Variants in NUP210 observed in about 807,000 individuals in gnomAD.
NUP210 encodes the protein nucleoporin 210, also known as nuclear pore membrane glycoprotein 210.
Under a neutral mutation model 196.0 loss-of-function variants are expected in NUP210, and 151 were observed. That is an observed-to-expected ratio of 0.77 (90% CI 0.67 to 0.88). The LOEUF is 0.88. Ranked by LOEUF, NUP210 falls within the 40% of genes least tolerant of loss-of-function variation. The pLI is 0.00. For synonymous variants in NUP210, 1,070 were observed against 1,052.7 expected (o/e 1.02, Z -0.32); for missense variants, 2,314 against 2,493.7 (o/e 0.93, Z 1.53).
At chr3:13,388,604 G>A (rs1457006913) in intron 4 of NUP210, 151 bp from the exon 5 acceptor site, 1 of 717,136 alleles carries the variant, frequency 1.4e-6, no homozygotes, top group East Asian at 3.2e-5. Flanking sequence ...GCTGCCTAGA[G>A]ACACGGCCCT....
intron 3 of NUP210, among the ~76,000 whole-genome samples, chr3:13,396,608 A>G (rs963493613): frequency 6.6e-6 from 1 of 151,486 alleles, no homozygotes; most frequent in African/African-American, 2.4e-5. Context: ...AAAAAAAAAA[A>G]AATTAGCTGG....
rs1335849619 is a variant in NUP210 at position 13,379,530 on chromosome 3, G to A, written c.976+33C>T. ...GACTTCCAAACAGCAGCTCCGCCAT[G>A]CCTAAGAACACACAAGCCCAAGAAA... On this transcript the variant is annotated intron_variant, in intron 7 of 39. Transcript: ENST00000254508. This position sits in a 1 kb window ranked among gnomAD's most constrained non-coding sequence, Gnocchi z 4.2. 1.9e-6 allele frequency: 3 copies of A among 1,613,564 alleles called. No homozygotes were observed. The South Asian group carries it at 3.3e-5, about 18-fold the overall frequency.
rs531218943 is a variant in NUP210 at position 13,328,659 on chromosome 3, A to G, written c.4286+112T>C. 5.8e-6 allele frequency: 6 copies of G among 1,034,618 alleles called. No homozygotes were observed. The African/African-American group carries it at 7.9e-5, about 14-fold the overall frequency. 64.1% of individuals were successfully genotyped at this position (1,034,618 alleles called of 1,614,324 possible). On this transcript the variant is annotated intron_variant, in intron 31 of 39. Coordinates refer to ENST00000254508, the MANE Select transcript of NUP210 (RefSeq NM_024923.4). ...CATGCCCACATCTCTTGGAAACTGA[A>G]GTAATACACATCTTCCTTCAACAGC...
intron 6 of NUP210, among the ~76,000 whole-genome samples, chr3:13,384,458 A>G (rs1218205619): frequency 6.6e-6 from 1 of 152,246 alleles, no homozygotes; most frequent in Non-Finnish European, 1.5e-5. Flanking sequence ...CTGTTGGGTT[A>G]TATCCAGGTA....
intron 26 of NUP210, 32 bp from the exon 27 acceptor site, chr3:13,336,950 T>C (rs770164841): frequency 1.9e-6 from 3 of 1,610,736 alleles, no homozygotes; most frequent in South Asian, 1.1e-5. Context: ...CAGTGAGCAG[T>C]AGCTCCCAGC....
chr3:13,320,282 TATGA>T (rs1227145989), intron 36 of NUP210, among the ~76,000 whole-genome samples: 2 of 152,172 alleles, frequency 1.3e-5, no homozygotes, highest in Non-Finnish European at 2.9e-5. Context: ...GACAAATCAA[TATGA>T]ATGTCAGAAT....
intron 14 of NUP210, among the ~76,000 whole-genome samples, chr3:13,365,435 C>G (rs1047615741): frequency 2.0e-5 from 3 of 152,296 alleles, no homozygotes; most frequent in Non-Finnish European, 4.4e-5. Context: ...CCGCACAGGC[C>G]GTGGCCACCA....
intron 9 of NUP210, among the ~76,000 whole-genome samples, chr3:13,376,910 C>G (rs1479928730): frequency 2.0e-5 from 3 of 152,060 alleles, no homozygotes; most frequent in African/African-American, 7.2e-5. Flanking sequence ...GGGGTGCTCA[C>G]TGACGAGCCT....
intron 5 of NUP210, among the ~76,000 whole-genome samples, chr3:13,387,732 G>C (rs1356936692): frequency 6.6e-6 from 1 of 152,204 alleles, no homozygotes; most frequent in Non-Finnish European, 1.5e-5. Context: ...GAAGGAACCA[G>C]GACGTTGGAT....
intron 1 of NUP210, among the ~76,000 whole-genome samples, chr3:13,410,762 C>CA (rs200133735): frequency 0.22 from 33,516 of 149,748 alleles, 5,895 homozygotes; most frequent in African/African-American, 0.49. Flanking sequence ...TTAAAAAATA[C>CA]AAAAAATTAG....
At chr3:13,410,986 C>T (rs908759196) in intron 1 of NUP210, among the ~76,000 whole-genome samples, 23 of 150,508 alleles carry the variant, frequency 1.5e-4, no homozygotes, top group Admixed American at 1.3e-3. Context: ...CTTTGGGAGG[C>T]CAAGGTAGGA....
Position 13,396,073 on chromosome 3 carries a change from G to A in NUP210, c.436+1284C>T, listed in dbSNP as rs138877075. On this transcript the variant is annotated intron_variant, in intron 3 of 39. Transcript: ENST00000254508. The stretch of plus-strand genomic sequence containing the variant: ...CTCATCTGATGAATGGGTAAGCGGG[G>A]AAGAAAGGGTCTGCTAGTGCTCTAA... 2.9e-3 allele frequency among the ~76,000 whole-genome samples: 444 copies of A among 152,342 alleles called. 3 individuals are homozygous for A. Among genetic ancestry groups the A allele is most frequent in the African/African-American group, 0.01 (418 of 41,572 alleles).
chr3:13,411,193 C>G (rs1159366663), intron 1 of NUP210, among the ~76,000 whole-genome samples: 1 of 152,212 alleles, frequency 6.6e-6, no homozygotes, highest in Non-Finnish European at 1.5e-5. Context: ...AATTGTGCCA[C>G]TGCACTGCAG....
chr3:13,364,222 GGTTCT>G (rs750000332), intron 14 of NUP210, among the ~76,000 whole-genome samples: 59 of 152,190 alleles, frequency 3.9e-4, no homozygotes, highest in Non-Finnish European at 7.1e-4. Context: ...TGGGGACAAA[GGTTCT>G]GTGTTCTCTG....
At chr3:13,382,294 A>G (rs983519934) in intron 6 of NUP210, among the ~76,000 whole-genome samples, 8 of 152,188 alleles carry the variant, frequency 5.3e-5, no homozygotes, top group African/African-American at 1.9e-4. Flanking sequence ...GATGGAGACC[A>G]CGGCTCCCAC....
At chr3:13,419,344 C>T (rs978052762) in intron 1 of NUP210, among the ~76,000 whole-genome samples, 1 of 152,326 alleles carries the variant, frequency 6.6e-6, no homozygotes, top group Admixed American at 6.5e-5. Flanking sequence ...ACTGCACCGC[C>T]CTGTCAGTGT....
intron 6 of NUP210, among the ~76,000 whole-genome samples, chr3:13,385,211 A>G (rs1416256153): frequency 1.3e-5 from 2 of 152,134 alleles, no homozygotes; most frequent in Non-Finnish European, 2.9e-5. Context: ...CCTCCCATCA[A>G]CTGGAGACAC....
At chr3:13,356,147 G>A (rs983048563) in intron 16 of NUP210, among the ~76,000 whole-genome samples, 1 of 152,196 alleles carries the variant, frequency 6.6e-6, no homozygotes, top group African/African-American at 2.4e-5. Context: ...TGAGCCACAC[G>A]CTAGAGGACC....
rs1164810682 is a variant in NUP210, at chr3:13,348,603, TG to T, written c.2835+3275del. 3 of 985,290 alleles carry T rather than the reference TG, an allele frequency of 3.0e-6. No individual in the cohort carries two copies. Among genetic ancestry groups the T allele is most frequent in the African/African-American group, 3.5e-5 (2 of 57,244 alleles). The allele number at this position is 985,290 out of a possible 1,614,324, so 61.0% of individuals were successfully genotyped here. On this transcript the variant is annotated intron_variant, in intron 20 of 39. Transcript: ENST00000254508. This position sits in a 1 kb window ranked among gnomAD's most constrained non-coding sequence, Gnocchi z 4.0. The stretch of plus-strand genomic sequence containing the variant: ...TCACTCGCATGGCTGGAGGAAGAGC[TG>T]GGGAATTGTTCTTTCTTCTATGAGG...
Sources: allele counts gnomAD v4.1 joint callset (sites outside exome capture counted in the v4.1 genomes callset), GRCh38; gene constraint gnomAD v4.1.1; non-coding constraint Gnocchi (gnomAD v3.1); transcripts MANE v1.5; gene names NCBI Gene and HGNC (gene_info 2026-07-23, HGNC 2026-07-21).